The following RABGAP1L variants were observed in gnomAD, a reference collection of about 807,000 sequenced individuals.
RABGAP1L encodes the protein RAB GTPase activating protein 1 like, also known as rab GTPase-activating protein 1-like.
RABGAP1L carries 63 observed loss-of-function variants against 137.7 expected under a neutral mutation model. The ratio of observed to expected loss-of-function variants is 0.46; its 90% CI spans 0.37 to 0.56. The LOEUF is 0.56. Ranked by LOEUF, RABGAP1L falls within the 20% of genes least tolerant of loss-of-function variation. RABGAP1L has a pLI of 0.00. For missense variants in RABGAP1L, 1,095 were observed against 1,244.0 expected, an observed-to-expected ratio of 0.88 and a Z score of 1.80; for synonymous variants, 431 against 433.7, an observed-to-expected ratio of 0.99 and a Z score of 0.08.
intron 19 of RABGAP1L, among the ~76,000 whole-genome samples, chr1:174,814,074 A>G (rs993149304): frequency 1.3e-5 from 2 of 152,112 alleles, no homozygotes; most frequent in Admixed American, 1.3e-4. Flanking sequence ...CTCCAATATA[A>G]TTTATGAAGT....
At chr1:174,327,970 T>TATATATAC (rs1558135904) in intron 11 of RABGAP1L, among the ~76,000 whole-genome samples, 13 of 15,232 alleles carry the variant, frequency 8.5e-4, no homozygotes, top group African/African-American at 5.7e-3. Context: ...TATATATATA[T>TATATATAC]ATATATATAC....
chr1:174,529,597 C>T (rs1664215043), intron 13 of RABGAP1L, among the ~76,000 whole-genome samples: 2 of 152,032 alleles, frequency 1.3e-5, no homozygotes, highest in Admixed American at 6.5e-5. Flanking sequence ...GATGTTGGCA[C>T]GTCTAGGTGG....
At chr1:174,413,452 T>A (rs1441843831) in intron 13 of RABGAP1L, among the ~76,000 whole-genome samples, 1 of 152,174 alleles carries the variant, frequency 6.6e-6, no homozygotes, top group African/African-American at 2.4e-5. Flanking sequence ...TTTATGAGTT[T>A]CCATTTTAGT....
intron 13 of RABGAP1L, among the ~76,000 whole-genome samples, chr1:174,417,194 C>T (rs939938163): frequency 3.3e-5 from 5 of 152,140 alleles, no homozygotes; most frequent in African/African-American, 1.2e-4. Flanking sequence ...ACCCTTCTGT[C>T]CCCAACCACC....
chr1:174,938,178 AG>A (rs1013417662), intron 19 of RABGAP1L, among the ~76,000 whole-genome samples: 9 of 152,326 alleles, frequency 5.9e-5, no homozygotes, highest in Admixed American at 2.6e-4. Flanking sequence ...AAAGAAATAC[AG>A]GTATACCTCA....
intron 19 of RABGAP1L, among the ~76,000 whole-genome samples, chr1:174,822,922 A>G (rs1793290): frequency 1 from 151,934 of 152,344 alleles, 75,765 homozygotes; most frequent in Middle Eastern, 1. Context: ...AGAAAGCCAT[A>G]CATACATTTT....
chr1:174,694,167 T>C (rs1334664101), intron 15 of RABGAP1L, among the ~76,000 whole-genome samples: 2 of 152,164 alleles, frequency 1.3e-5, no homozygotes, highest in Non-Finnish European at 2.9e-5. Flanking sequence ...CTGCAAATAC[T>C]GTACTATGCC....
chr1:174,849,683 A>G, intron 19 of RABGAP1L: 1 of 425,718 alleles, frequency 2.3e-6, no homozygotes, highest in Non-Finnish European at 4.6e-6. Flanking sequence ...TTTTGATTGT[A>G]TTGCTTTCTT....
In RABGAP1L at chr1:174,494,134, A is replaced by G. The variant is rs148692950; in HGVS notation, c.1710+99989A>G. 1.4e-4 allele frequency among the ~76,000 whole-genome samples: 21 copies of G among 152,288 alleles called. No homozygotes were observed. The East Asian group carries it at 3.9e-3, about 28-fold the overall frequency. On this transcript the variant is annotated intron_variant, in intron 13 of 25. Transcript: ENST00000681986. ...CATTGATCTATTTCTTTTGAAAATA[A>G]TACTCTGTTGGTGGTTTGGAAAGGT...
chr1:174,954,100 A>T (rs1573991326), intron 19 of RABGAP1L: 1 of 152,218 alleles, frequency 6.6e-6, no homozygotes, highest in Admixed American at 6.5e-5. Flanking sequence ...TCTAAAATAA[A>T]ATCAAGTTTG....
chr1:174,589,102 G>T lies in RABGAP1L; in HGVS notation c.1711-48273G>T, dbSNP rs753282526. On this transcript the variant is annotated intron_variant, in intron 13 of 25. Coordinates refer to ENST00000681986, the MANE Select transcript of RABGAP1L (RefSeq NM_001366446.1). ...AGAGTTCCCTTTTCTCCACATCCTT[G>T]TCAGCATTTGTTATTGCCTATTTTT... Among the ~76,000 whole-genome samples the T allele has an allele frequency of 6.6e-5, 10 of 152,080 alleles. No homozygotes were observed. The East Asian group carries it at 1.9e-3, about 29-fold the overall frequency.
At chr1:174,538,314 C>G (rs1299562562) in intron 13 of RABGAP1L, among the ~76,000 whole-genome samples, 2 of 152,134 alleles carry the variant, frequency 1.3e-5, no homozygotes, top group Admixed American at 6.6e-5. Flanking sequence ...TAAATCTCTT[C>G]TAAATTTTAT....
intron 5 of RABGAP1L, chr1:174,244,345 T>C (rs1425388591): frequency 1.3e-5 from 2 of 152,232 alleles, no homozygotes; most frequent in East Asian, 3.8e-4. Flanking sequence ...GGAAGATTTC[T>C]GAAGCAGGAG....
At chr1:174,229,017 A>G (rs1166845259) in intron 3 of RABGAP1L, among the ~76,000 whole-genome samples, 2 of 137,838 alleles carry the variant, frequency 1.5e-5, no homozygotes, top group African/African-American at 2.7e-5. Flanking sequence ...TAAAATGAAC[A>G]GTTTTTTTTT....
At chr1:174,312,259 G>C (rs1175443610) in intron 11 of RABGAP1L, among the ~76,000 whole-genome samples, 1 of 152,100 alleles carries the variant, frequency 6.6e-6, no homozygotes, top group African/African-American at 2.4e-5. Flanking sequence ...ATTTGTGATT[G>C]CCTGCCTTTT....
chr1:174,677,234 A>G (rs1677706159), intron 14 of RABGAP1L, among the ~76,000 whole-genome samples: 2 of 152,112 alleles, frequency 1.3e-5, no homozygotes, highest in African/African-American at 4.8e-5. Flanking sequence ...AGGTGGGAGA[A>G]TCTTTTGAGC....
At chr1:174,456,060 G>A (rs547024041) in intron 13 of RABGAP1L, among the ~76,000 whole-genome samples, 1 of 152,176 alleles carries the variant, frequency 6.6e-6, no homozygotes, top group Non-Finnish European at 1.5e-5. Context: ...TTAGTTATTT[G>A]ATATAGAAGA....
At chr1:174,925,341 C>G (rs1463855851) in intron 19 of RABGAP1L, among the ~76,000 whole-genome samples, 1 of 119,560 alleles carries the variant, frequency 8.4e-6, no homozygotes, top group African/African-American at 3.2e-5. Flanking sequence ...GAGCGAGACT[C>G]GAGACTCCGT....
chr1:174,922,844 T>G (rs1485218800), intron 19 of RABGAP1L, among the ~76,000 whole-genome samples: 1 of 152,194 alleles, frequency 6.6e-6, no homozygotes, highest in Admixed American at 6.5e-5. Context: ...TTAATCTTGT[T>G]GAACCTTGAT....
Sources: allele counts gnomAD v4.1 joint callset (sites outside exome capture counted in the v4.1 genomes callset), GRCh38; gene constraint gnomAD v4.1.1; transcripts MANE v1.5; gene names NCBI Gene and HGNC (gene_info 2026-07-23, HGNC 2026-07-21).